Variants in NTAQ1 observed in about 807,000 individuals in gnomAD.
NTAQ1 encodes protein N-terminal glutamine amidohydrolase.
NTAQ1 carries 21 observed loss-of-function variants against 28.2 expected under a neutral mutation model. The ratio of observed to expected loss-of-function variants is 0.74; its 90% CI spans 0.53 to 1.07. The LOEUF (loss-of-function observed/expected upper bound fraction) is 1.07. NTAQ1 is among the 50% of genes least tolerant of loss of function. The probability of loss-of-function intolerance (pLI) is 0.00; values close to 1 mark genes in which losing one functional copy is unlikely to be tolerated. For synonymous variants in NTAQ1, 105 were observed against 90.0 expected (o/e 1.17, Z -0.94); for missense variants, 264 against 256.6 (o/e 1.03, Z -0.20).
At chr8:123,419,789 C>T (rs943279077) in intron 1 of NTAQ1, among the ~76,000 whole-genome samples, 3 of 133,352 alleles carry the variant, frequency 2.2e-5, no homozygotes, top group African/African-American at 8.0e-5. Flanking sequence ...CCCTCCCTCC[C>T]TCCTTCCTTC....
chr8:123,429,918 AAG>A (rs1172708613), intron 2 of NTAQ1, 63 bp from the exon 3 acceptor site: 2 of 1,167,920 alleles, frequency 1.7e-6, no homozygotes, highest in Non-Finnish European at 2.4e-6. Context: ...AAAAAAAAAA[AAG>A]GAAAATAATT....
At chr8:123,460,177 G>A (rs574525316) in intron 6 of NTAQ1, among the ~76,000 whole-genome samples, 28 of 152,226 alleles carry the variant, frequency 1.8e-4, no homozygotes, top group African/African-American at 6.7e-4. Context: ...TACCTTGAGA[G>A]AACCCCTAAT....
At chr8:123,436,726 G>A (rs1814739957) in intron 4 of NTAQ1, 125 bp downstream of exon 4, 1 of 1,009,960 alleles carries the variant, frequency 9.9e-7, no homozygotes, top group African/African-American at 1.6e-5. Context: ...TTGAGTTGAT[G>A]TTTAAGAATG....
chr8:123,467,754 ATTTG>A (rs917328227), exon 7 of NTAQ1, among the ~76,000 whole-genome samples: 1 of 152,042 alleles, frequency 6.6e-6, no homozygotes, highest in Admixed American at 6.6e-5. Context: ...TTTTTATTTT[ATTTG>A]TTTATTTAGA....
At chr8:123,447,688 A>ACCAT (rs1268672022) in intron 6 of NTAQ1, among the ~76,000 whole-genome samples, 2 of 152,170 alleles carry the variant, frequency 1.3e-5, no homozygotes, top group Non-Finnish European at 2.9e-5. Context: ...AAGGGTAACC[A>ACCAT]CCATCCTGCT....
At chr8:123,433,472 G>C (rs781118586) in intron 3 of NTAQ1, among the ~76,000 whole-genome samples, 3 of 152,072 alleles carry the variant, frequency 2.0e-5, no homozygotes, top group Non-Finnish European at 4.4e-5. Context: ...TTTTGAGACA[G>C]ATTCTTGCTC....
At chr8:123,444,331 C>T, downstream of NTAQ1, among the ~76,000 whole-genome samples, 1 of 152,070 alleles carries the variant, frequency 6.6e-6, no homozygotes, top group Non-Finnish European at 1.5e-5. Flanking sequence ...TCCTGAGTTT[C>T]TGGGATTACA....
At chr8:123,440,799 C>T (rs1017764723) in intron 5 of NTAQ1, among the ~76,000 whole-genome samples, 1 of 152,188 alleles carries the variant, frequency 6.6e-6, no homozygotes, top group South Asian at 2.1e-4. Flanking sequence ...ACATGCTTGG[C>T]TCAGAGCAGC....
downstream of NTAQ1, among the ~76,000 whole-genome samples, chr8:123,450,989 A>G (rs1815474043): frequency 1.3e-5 from 2 of 152,190 alleles, no homozygotes; most frequent in South Asian, 4.1e-4. Flanking sequence ...CCTGGCTCTC[A>G]GGCCCTGTGT....
At chr8:123,462,986 T>C (rs1354065614) in intron 6 of NTAQ1, among the ~76,000 whole-genome samples, 1 of 152,248 alleles carries the variant, frequency 6.6e-6, no homozygotes, top group Non-Finnish European at 1.5e-5. Context: ...TCTTAATGAA[T>C]GCATTCTGCT....
intron 1 of NTAQ1, among the ~76,000 whole-genome samples, chr8:123,421,694 C>T (rs1291153334): frequency 2.9e-5 from 4 of 135,870 alleles, no homozygotes; most frequent in Non-Finnish European, 4.7e-5. Flanking sequence ...TTTTTCTTTT[C>T]TTTTTTTTTT....
At chr8:123,451,071 G>A (rs10956135), downstream of NTAQ1, among the ~76,000 whole-genome samples, 55,080 of 151,930 alleles carry the variant, frequency 0.36, 10,102 homozygotes, top group East Asian at 0.56. Flanking sequence ...TGCTTCCCCC[G>A]TTAGGTTTCT....
At chr8:123,418,442 C>T (rs562841232) in intron 1 of NTAQ1, among the ~76,000 whole-genome samples, 34 of 116,382 alleles carry the variant, frequency 2.9e-4, no homozygotes, top group South Asian at 1.4e-3. Context: ...AGCAAGACTC[C>T]ATCTCAAAAA....
At chr8:123,467,412 A>G (rs2130440884) in exon 7 of NTAQ1, among the ~76,000 whole-genome samples, 1 of 152,342 alleles carries the variant, frequency 6.6e-6, no homozygotes, top group East Asian at 1.9e-4. Context: ...TCACATATTC[A>G]ATGGCATGAG....
intron 1 of NTAQ1, among the ~76,000 whole-genome samples, chr8:123,427,438 A>T (rs894455688): frequency 6.6e-6 from 1 of 151,830 alleles, no homozygotes; most frequent in African/African-American, 2.4e-5. Flanking sequence ...TTTTTAGTAG[A>T]GACGGGGTTT....
In NTAQ1 at chr8:123,416,876, C is replaced by T. The variant is rs1284161590; in HGVS notation, c.27C>T (p.Val9=). The change falls in exon 1 of 6, where the codon GTC becomes GTT. Residue 9 remains valine, a synonymous_variant. Transcript: ENST00000287387. MEGNGPAA[V]HYQPASPPRD... is the part of the protein sequence containing the mutation. ...TGGAAGGTAATGGCCCCGCTGCTGT[C>T]CACTACCAGCCGGCCAGCCCCCCGC... 3 of 1,529,824 alleles carry T rather than the reference C, an allele frequency of 2.0e-6. No individual in the cohort carries two copies. Among genetic ancestry groups the T allele is most frequent in the African/African-American group, 2.8e-5 (2 of 70,850 alleles). The allele number at this position is 1,529,824 out of a possible 1,614,324, so 94.8% of individuals were successfully genotyped here. A position where few individuals can be genotyped will look rare whatever the true frequency, so the allele number is the denominator to read the frequency against.
At chr8:123,464,621 A>G (rs1041697707) in intron 6 of NTAQ1, among the ~76,000 whole-genome samples, 1 of 152,138 alleles carries the variant, frequency 6.6e-6, no homozygotes, top group Non-Finnish European at 1.5e-5. Context: ...TTTAACTTAC[A>G]TATTTCCTAT....
At chr8:123,473,954 C>A (rs1816066923), downstream of NTAQ1, among the ~76,000 whole-genome samples, 1 of 151,836 alleles carries the variant, frequency 6.6e-6, no homozygotes, top group African/African-American at 2.4e-5. Context: ...TTATTAATAT[C>A]ATTGGTATGC....
chr8:123,433,343 C>T (rs901978133), intron 3 of NTAQ1, among the ~76,000 whole-genome samples: 6 of 152,214 alleles, frequency 3.9e-5, no homozygotes, highest in Non-Finnish European at 7.3e-5. Flanking sequence ...AAGCTGTCCC[C>T]ATCAGGCAAG....
Sources: allele counts gnomAD v4.1 joint callset (sites outside exome capture counted in the v4.1 genomes callset), GRCh38; gene constraint gnomAD v4.1.1; transcripts MANE v1.5; gene names NCBI Gene and HGNC (gene_info 2026-07-23, HGNC 2026-07-21).